The following KCNQ1 variants were observed in gnomAD, a reference collection of about 807,000 sequenced individuals.
KCNQ1 encodes potassium voltage-gated channel subfamily Q member 1, also known as potassium voltage-gated channel subfamily KQT member 1.
Under a neutral mutation model 72.4 loss-of-function variants are expected in KCNQ1, and 49 were observed. The ratio of observed to expected loss-of-function variants is 0.68; its 90% CI spans 0.54 to 0.86. The LOEUF is 0.86. KCNQ1 is among the 40% of genes least tolerant of loss of function. KCNQ1 has a pLI of 0.00. For synonymous variants in KCNQ1, 450 were observed against 412.6 expected (o/e 1.09, Z -1.10); for missense variants, 790 against 945.1 (o/e 0.84, Z 2.15).
At position 2,703,971 on chromosome 11, in the gene KCNQ1, C is replaced by T. The variant is rs375684283; in HGVS notation, c.1514+41890C>T. 7.2e-5 allele frequency among the ~76,000 whole-genome samples: 11 copies of T among 152,102 alleles called. No individual in the cohort carries two copies. In the East Asian group the frequency reaches 1.8e-3, roughly 24 times the overall value. ...CGCTGCTCTCAGGAGTGGACAGGAA[C>T]GTGGGGGAGTGGGGGTGGTTAGGAC... On this transcript the variant is annotated intron_variant, in intron 11 of 15. Coordinates refer to ENST00000155840, the MANE Select transcript of KCNQ1 (RefSeq NM_000218.3). The surrounding 1 kb of genome is among the most constrained non-coding windows in gnomAD (Gnocchi z 6.4).
intron 11 of KCNQ1, among the ~76,000 whole-genome samples, chr11:2,727,840 G>T (rs1011765962): frequency 1.4e-4 from 21 of 152,294 alleles, no homozygotes; most frequent in African/African-American, 4.8e-4. Flanking sequence ...CTATGAAGGG[G>T]CAGGGACGTG....
rs1460024821 is a variant in KCNQ1, at chr11:2,592,055, C to A, written c.1393+3201C>A. Among the ~76,000 whole-genome samples the A allele has an allele frequency of 6.6e-6, 1 of 152,268 alleles. No individual in the cohort carries two copies. Among genetic ancestry groups the A allele is most frequent in the Non-Finnish European group, 1.5e-5 (1 of 68,050 alleles). The stretch of plus-strand genomic sequence containing the variant: ...GTCCCCCGCAAAGTCAAACCCAGGC[C>A]TCGACCTTGTCTGGCTGTGCTTTCT... On this transcript the variant is annotated intron_variant, in intron 10 of 15. Transcript: ENST00000155840. The surrounding 1 kb of genome is among the most constrained non-coding windows in gnomAD (Gnocchi z 5.2).
Position 2,618,488 on chromosome 11 carries a change from T to C in KCNQ1, c.1393+29634T>C, listed in dbSNP as rs191366320. On this transcript the variant is annotated intron_variant, in intron 10 of 15. Transcript: ENST00000155840. ...TTTCTGCATTGTTTTCTTCGTGTTC[T>C]TGTGGAAAATTGGTTGATCATATAT... 234 of 398,612 alleles carry C rather than the reference T, an allele frequency of 5.9e-4. No individual in the cohort carries two copies. Among genetic ancestry groups the C allele is most frequent in the African/African-American group, 4.5e-3 (220 of 48,760 alleles). The allele number at this position is 398,612 out of a possible 1,614,324, so 24.7% of individuals were successfully genotyped here.
chr11:2,791,531 G>A (rs967131734), intron 15 of KCNQ1, among the ~76,000 whole-genome samples: 1 of 152,010 alleles, frequency 6.6e-6, no homozygotes, highest in Non-Finnish European at 1.5e-5. Context: ...CCCGACCCGA[G>A]CCTCCCCTCC....
chr11:2,766,737 C>T lies in KCNQ1; in HGVS notation c.1515-2107C>T, dbSNP rs147303902. Among the ~76,000 whole-genome samples, 7 of 152,318 alleles carry T rather than the reference C, an allele frequency of 4.6e-5. No homozygotes were observed. The East Asian group carries it at 1.3e-3, about 29-fold the overall frequency. ...AAAGTCCGACATCTTGTGATCTGCC[C>T]CTTCCAGCCTCTGTCCAATTCCTTG... On this transcript the variant is annotated intron_variant, in intron 11 of 15. Coordinates refer to ENST00000155840, the MANE Select transcript of KCNQ1 (RefSeq NM_000218.3). The surrounding 1 kb of genome is among the most constrained non-coding windows in gnomAD (Gnocchi z 4.4).
At position 2,515,218 on chromosome 11, in the gene KCNQ1, G is replaced by A. The variant is rs1010966510; in HGVS notation, c.387-12710G>A. Among the ~76,000 whole-genome samples, 9 of 152,036 alleles carry A rather than the reference G, an allele frequency of 5.9e-5. No homozygotes were observed. The highest frequency in any genetic ancestry group is 9.7e-5 in the African/African-American group (4 of 41,372). On this transcript the variant is annotated intron_variant, in intron 1 of 15. Coordinates refer to ENST00000155840, the MANE Select transcript of KCNQ1 (RefSeq NM_000218.3). The surrounding 1 kb of genome is among the most constrained non-coding windows in gnomAD (Gnocchi z 4.7). ...TGGAGTCCCAGAGTGACCTTTCTCCGTCTTTCTGTCCAAGCATCCCATCTG... is the reference window on the plus strand; with the variant it reads ...TGGAGTCCCAGAGTGACCTTTCTCCATCTTTCTGTCCAAGCATCCCATCTG...
At chr11:2,755,932 T>A (rs1846292397) in intron 11 of KCNQ1, among the ~76,000 whole-genome samples, 1 of 152,230 alleles carries the variant, frequency 6.6e-6, no homozygotes, top group Non-Finnish European at 1.5e-5. Flanking sequence ...CTGCCCTTCA[T>A]GGTCGAGGAA....
rs1846210274 is a variant in KCNQ1 at position 2,457,288 on chromosome 11, C to T, written c.386+11804C>T. On this transcript the variant is annotated intron_variant, in intron 1 of 15. Coordinates refer to ENST00000155840, the MANE Select transcript of KCNQ1 (RefSeq NM_000218.3). The surrounding 1 kb of genome is among the most constrained non-coding windows in gnomAD (Gnocchi z 5.0). ...GAACTACCATTCGATCCAGCAGTCCCGTGTGCTGAGTTTATACCCAAAGAA... is the reference window on the plus strand; with the variant it reads ...GAACTACCATTCGATCCAGCAGTCCTGTGTGCTGAGTTTATACCCAAAGAA... Among the ~76,000 whole-genome samples the T allele has an allele frequency of 6.6e-6, 1 of 152,186 alleles. No homozygotes were observed. Among genetic ancestry groups the T allele is most frequent in the South Asian group, 2.1e-4 (1 of 4,834 alleles).
chr11:2,504,711 C>T (rs149156175), intron 1 of KCNQ1, among the ~76,000 whole-genome samples: 5,081 of 152,198 alleles, frequency 0.033, 155 homozygotes, highest in East Asian at 0.095. Flanking sequence ...GAGCTGAGAT[C>T]GCGCCACTGC....
chr11:2,610,948 A>G (rs559217276), intron 10 of KCNQ1: 1 of 398,274 alleles, frequency 2.5e-6, no homozygotes, highest in South Asian at 1.3e-4. Flanking sequence ...AATTGATAGA[A>G]CAACAAGACA....
intron 11 of KCNQ1, chr11:2,662,884 T>C: frequency 2.5e-6 from 1 of 398,770 alleles, no homozygotes; most frequent in Non-Finnish European, 4.4e-6. Context: ...AAGGGTGTTT[T>C]GTTCTTTGGA....
In KCNQ1 at chr11:2,777,944, T is replaced by G. The variant is rs200967728; in HGVS notation, c.1733-32T>G. ...GGGGTCCCCGGCCCACCCCAGCACT[T>G]GGCCCTGATTTGGGTGTTTTATCCC... On this transcript the variant is annotated intron_variant, in intron 14 of 15. Transcript: ENST00000155840. 2.5e-6 allele frequency: 4 copies of G among 1,611,360 alleles called. No homozygotes were observed. The East Asian group carries it at 8.9e-5, about 36-fold the overall frequency.
rs1238361051 is a variant in KCNQ1 at position 2,492,286 on chromosome 11, C to T, written c.387-35642C>T. Among the ~76,000 whole-genome samples the T allele has an allele frequency of 1.3e-5, 2 of 152,042 alleles. No homozygotes were observed. The highest frequency in any genetic ancestry group is 2.4e-5 in the African/African-American group (1 of 41,390). On this transcript the variant is annotated intron_variant, in intron 1 of 15. Coordinates refer to ENST00000155840, the MANE Select transcript of KCNQ1 (RefSeq NM_000218.3). The surrounding 1 kb of genome is among the most constrained non-coding windows in gnomAD (Gnocchi z 4.1). ...ACAACAACTTTTGCGGTACAATAGG[C>T]AGTACAATAAGATATAGAGACAAAA...
intron 10 of KCNQ1, chr11:2,648,981 CTTTTTTTTTTTTTT>C: frequency 6.4e-6 from 2 of 313,730 alleles, no homozygotes; most frequent in African/African-American, 3.9e-5. Context: ...TTTTCTTTTT[CTTTTTTTTTTTTTT>C]TTTTTTTTTG....
Position 2,718,412 on chromosome 11 carries a change from G to A in KCNQ1, c.1515-50432G>A, listed in dbSNP as rs536729264. ...CTCCTGAAGCCGGAACTTGATCCCC[G>A]CAGCACCAGCCCCTCCCCGTAGCCT... On this transcript the variant is annotated intron_variant, in intron 11 of 15. Transcript: ENST00000155840. 9.2e-5 allele frequency among the ~76,000 whole-genome samples: 14 copies of A among 152,288 alleles called. No individual in the cohort carries two copies. In the South Asian group the frequency reaches 1.0e-3, roughly 11 times the overall value.
At chr11:2,793,234 C>G (rs962696256) in intron 15 of KCNQ1, among the ~76,000 whole-genome samples, 1 of 152,224 alleles carries the variant, frequency 6.6e-6, no homozygotes, top group Non-Finnish European at 1.5e-5. Context: ...GATAGCCCCT[C>G]TTACTGAGAG....
chr11:2,704,550 G>A lies in KCNQ1; in HGVS notation c.1514+42469G>A, dbSNP rs1342108725. ...AGTGGGGAGTCTCTAGGAGGTTTTG[G>A]GCAAGGCAGTGCCAAGGATCAGATC... is the stretch of plus-strand genomic sequence containing the variant. On this transcript the variant is annotated intron_variant, in intron 11 of 15. Coordinates refer to ENST00000155840, the MANE Select transcript of KCNQ1 (RefSeq NM_000218.3). The surrounding 1 kb of genome is among the most constrained non-coding windows in gnomAD (Gnocchi z 4.3). 2.0e-5 allele frequency among the ~76,000 whole-genome samples: 3 copies of A among 152,126 alleles called. No individual in the cohort carries two copies. Among genetic ancestry groups the A allele is most frequent in the Non-Finnish European group, 4.4e-5 (3 of 68,016 alleles).
In KCNQ1 at chr11:2,782,763, T is replaced by G. The variant is rs1590085769; in HGVS notation, c.1794+4726T>G. ...AATTTTAATGTCCGTCCATTAGCAT[T>G]TAGTCCCATTTTTTATTCTCAATAT... is the stretch of plus-strand genomic sequence containing the variant. On this transcript the variant is annotated intron_variant, in intron 15 of 15. Coordinates refer to ENST00000155840, the MANE Select transcript of KCNQ1 (RefSeq NM_000218.3). This position sits in a 1 kb window ranked among gnomAD's most constrained non-coding sequence, Gnocchi z 6.1. Among the ~76,000 whole-genome samples, 3 of 152,336 alleles carry G rather than the reference T, an allele frequency of 2.0e-5. No homozygotes were observed. Among genetic ancestry groups the G allele is most frequent in the Middle Eastern group, 3.4e-3 (1 of 294 alleles).
chr11:2,676,825 G>A lies in KCNQ1; in HGVS notation c.1514+14744G>A, dbSNP rs1850303186. 2.5e-6 allele frequency: 1 copy of A among 398,450 alleles called. No homozygotes were observed. Among genetic ancestry groups the A allele is most frequent in the Admixed American group, 4.4e-5 (1 of 22,712 alleles). 24.7% of individuals were successfully genotyped at this position (398,450 alleles called of 1,614,324 possible). On this transcript the variant is annotated intron_variant, in intron 11 of 15. Transcript: ENST00000155840. This position sits in a 1 kb window ranked among gnomAD's most constrained non-coding sequence, Gnocchi z 4.2. ...TGTATTGTGCTGGGATCTACCACAG[G>A]GGTCATGTTGTAATGACACCTGTCA...
Sources: gnomAD v4.1 joint callset for allele counts (sites outside exome capture counted in the v4.1 genomes callset) on GRCh38, gnomAD v4.1.1 for gene constraint, Gnocchi (gnomAD v3.1) non-coding constraint, MANE v1.5 for transcripts, NCBI Gene and HGNC (gene_info 2026-07-23, HGNC 2026-07-21) for gene names.